GRM7: variants seen among roughly 807,000 people sequenced by gnomAD.
GRM7 encodes glutamate metabotropic receptor 7.
GRM7 carries 35 observed loss-of-function variants against 84.5 expected under a neutral mutation model. The ratio of observed to expected loss-of-function variants is 0.41; its 90% CI spans 0.32 to 0.55. The LOEUF is 0.55. GRM7 is among the 20% of genes least tolerant of loss of function. GRM7 has a pLI of 0.19. For missense variants in GRM7, 1,003 were observed against 1,194.6 expected, an observed-to-expected ratio of 0.84 and a Z score of 2.36; for synonymous variants, 487 against 455.1, an observed-to-expected ratio of 1.07 and a Z score of -0.89.
intron 1 of GRM7, among the ~76,000 whole-genome samples, chr3:7,036,618 T>TTG (rs1553609432): frequency 2.0e-5 from 3 of 152,198 alleles, no homozygotes; most frequent in South Asian, 2.1e-4. Context: ...ACATTTTATT[T>TTG]CACGTGGGTT....
intron 5 of GRM7, among the ~76,000 whole-genome samples, chr3:7,422,047 A>G (rs1696418591): frequency 6.6e-6 from 1 of 151,740 alleles, no homozygotes; most frequent in African/African-American, 2.4e-5. Context: ...GTGAGCTGTG[A>G]TCATGCCACT....
In GRM7 at chr3:7,116,856, T is replaced by G. The variant is rs191977397; in HGVS notation, c.520-29596T>G. Reference sequence around the variant, plus strand: ...AAGGGATCAGGCATTAAATGAGTTCTCTCTCAGTGTTCAAGTTTCAATTGC... The same window carrying G: ...AAGGGATCAGGCATTAAATGAGTTCGCTCTCAGTGTTCAAGTTTCAATTGC... On this transcript the variant is annotated intron_variant, in intron 1 of 9. Coordinates refer to ENST00000357716, the MANE Select transcript of GRM7 (RefSeq NM_000844.4). 3.3e-5 allele frequency among the ~76,000 whole-genome samples: 5 copies of G among 152,290 alleles called. No individual in the cohort carries two copies. The East Asian group carries it at 9.7e-4, about 29-fold the overall frequency.
chr3:7,223,864 A>T (rs1032042763), intron 2 of GRM7, among the ~76,000 whole-genome samples: 2 of 152,128 alleles, frequency 1.3e-5, no homozygotes, highest in African/African-American at 4.8e-5. Flanking sequence ...TGATCTCTTT[A>T]TGGTTTCTTA....
At chr3:7,174,200 C>A (rs1695072383) in intron 2 of GRM7, among the ~76,000 whole-genome samples, 1 of 152,114 alleles carries the variant, frequency 6.6e-6, no homozygotes, top group Non-Finnish European at 1.5e-5. Flanking sequence ...ATGTTTGTAG[C>A]TGGTGAAGAG....
intron 7 of GRM7, among the ~76,000 whole-genome samples, chr3:7,498,065 T>C (rs1008716893): frequency 2.0e-5 from 3 of 152,214 alleles, no homozygotes; most frequent in Non-Finnish European, 4.4e-5. Context: ...ATGTAGTTTC[T>C]TCAACACAAA....
At chr3:6,945,805 G>T (rs1575048995) in intron 1 of GRM7, among the ~76,000 whole-genome samples, 1 of 152,272 alleles carries the variant, frequency 6.6e-6, no homozygotes, top group Non-Finnish European at 1.5e-5. Flanking sequence ...GCATTTCTCT[G>T]ATGGCCAGTG....
At chr3:7,296,849 A>G (rs1221860856) in intron 2 of GRM7, among the ~76,000 whole-genome samples, 2 of 150,802 alleles carry the variant, frequency 1.3e-5, no homozygotes, top group Non-Finnish European at 2.9e-5. Flanking sequence ...GGATCTTGCT[A>G]TGTTGCCCCG....
At chr3:7,322,637 T>G (rs1000688506) in intron 4 of GRM7, among the ~76,000 whole-genome samples, 7 of 151,720 alleles carry the variant, frequency 4.6e-5, no homozygotes, top group African/African-American at 1.5e-4. Context: ...CTCTCACTTA[T>G]AAGTGAGAAA....
At chr3:7,692,981 T>C (rs162780) in intron 9 of GRM7, among the ~76,000 whole-genome samples, 9,843 of 151,952 alleles carry the variant, frequency 0.065, 392 homozygotes, top group South Asian at 0.13. Context: ...TTCTTTCTTT[T>C]TTTTTTTTTC....
chr3:7,666,102 G>A lies in GRM7; in HGVS notation c.2452-13947G>A, dbSNP rs1026073888. On this transcript the variant is annotated intron_variant, in intron 8 of 9. Coordinates refer to ENST00000357716, the MANE Select transcript of GRM7 (RefSeq NM_000844.4). ...ATTATATATACTGTGAATGAAAAGA[G>A]CAGGCTGCTCTTAGGGAGCATCACG... Among the ~76,000 whole-genome samples, 3 of 152,162 alleles carry A rather than the reference G, an allele frequency of 2.0e-5. No homozygotes were observed. In the South Asian group the frequency reaches 6.2e-4, roughly 31 times the overall value.
At chr3:7,693,874 G>A (rs1043671094) in intron 9 of GRM7, among the ~76,000 whole-genome samples, 2 of 152,146 alleles carry the variant, frequency 1.3e-5, no homozygotes, top group African/African-American at 4.8e-5. Flanking sequence ...CACTAAAGAT[G>A]TCTTGAGATC....
At position 7,151,643 on chromosome 3, in the gene GRM7, T is replaced by A. The variant is rs997089662; in HGVS notation, c.736+4975T>A. ...ATAATTCCTAGTACATAGAAAGCAG[T>A]CAATCATTATTTCTTAACAGAAGGA... On this transcript the variant is annotated intron_variant, in intron 2 of 9. Coordinates refer to ENST00000357716, the MANE Select transcript of GRM7 (RefSeq NM_000844.4). This position sits in a 1 kb window ranked among gnomAD's most constrained non-coding sequence, Gnocchi z 4.5. Among the ~76,000 whole-genome samples the A allele has an allele frequency of 1.3e-5, 2 of 152,168 alleles. No homozygotes were observed. The highest frequency in any genetic ancestry group is 3.9e-4 in the East Asian group (2 of 5,184).
chr3:6,890,275 T>G (rs1017807308), intron 1 of GRM7, among the ~76,000 whole-genome samples: 4 of 152,214 alleles, frequency 2.6e-5, no homozygotes, highest in Non-Finnish European at 5.9e-5. Flanking sequence ...TTCTGCTAGC[T>G]TTTGAATGTG....
chr3:7,440,016 T>A (rs1249344332), intron 5 of GRM7, among the ~76,000 whole-genome samples: 1 of 152,128 alleles, frequency 6.6e-6, no homozygotes, highest in Non-Finnish European at 1.5e-5. Flanking sequence ...CGGTGTGGAT[T>A]TGGAGTTCCA....
intron 4 of GRM7, among the ~76,000 whole-genome samples, chr3:7,337,118 TA>T (rs1701450091): frequency 6.6e-6 from 1 of 152,030 alleles, no homozygotes; most frequent in African/African-American, 2.4e-5. Flanking sequence ...TAAATCCACT[TA>T]CTTACAGCCA....
intron 8 of GRM7, chr3:7,608,144 C>G (rs114380105): frequency 0.015 from 2,798 of 181,906 alleles, 88 homozygotes; most frequent in African/African-American, 0.063. Flanking sequence ...GATGGGCATT[C>G]AGGTTGACTC....
At chr3:7,297,138 A>G (rs1699843368) in intron 2 of GRM7, among the ~76,000 whole-genome samples, 1 of 152,102 alleles carries the variant, frequency 6.6e-6, no homozygotes. Flanking sequence ...ATATAATGCT[A>G]TGTTTCCATC....
At chr3:7,701,991 A>G (rs1701244904) in intron 9 of GRM7, among the ~76,000 whole-genome samples, 1 of 152,196 alleles carries the variant, frequency 6.6e-6, no homozygotes, top group South Asian at 2.1e-4. Context: ...TTCAGCTAAC[A>G]TGCATTGGAC....
chr3:7,241,021 C>T (rs549804867), intron 2 of GRM7, among the ~76,000 whole-genome samples: 3 of 152,222 alleles, frequency 2.0e-5, no homozygotes, highest in African/African-American at 7.2e-5. Context: ...TTGTGTAACT[C>T]TACTCTATGA....
Sources: allele counts gnomAD v4.1 joint callset (sites outside exome capture counted in the v4.1 genomes callset), GRCh38; gene constraint gnomAD v4.1.1; non-coding constraint Gnocchi (gnomAD v3.1); transcripts MANE v1.5; gene names NCBI Gene and HGNC (gene_info 2026-07-23, HGNC 2026-07-21).